The following EPHB1 variants were observed in gnomAD, a reference collection of about 807,000 sequenced individuals.
EPHB1 encodes ephrin type-B receptor 1.
Under a neutral mutation model 94.4 loss-of-function variants are expected in EPHB1, and 30 were observed. The observed-to-expected ratio is 0.32, with a 90% confidence interval of 0.24 to 0.43. The LOEUF (loss-of-function observed/expected upper bound fraction) is 0.43. EPHB1 is among the 20% of genes least tolerant of loss of function. The probability of loss-of-function intolerance (pLI) is 1.00; values close to 1 mark genes in which losing one functional copy is unlikely to be tolerated. For synonymous variants in EPHB1, 522 were observed against 489.1 expected (o/e 1.07, Z -0.89); for missense variants, 1,055 against 1,308.3 (o/e 0.81, Z 2.99).
chr3:134,891,057 G>A (rs1456164253), intron 1 of EPHB1, among the ~76,000 whole-genome samples: 1 of 152,038 alleles, frequency 6.6e-6, no homozygotes, highest in East Asian at 1.9e-4. Flanking sequence ...TTTGCCTACT[G>A]TTCCCACAAC....
At chr3:135,009,857 A>G (rs1935559472) in intron 3 of EPHB1, among the ~76,000 whole-genome samples, 1 of 152,248 alleles carries the variant, frequency 6.6e-6, no homozygotes, top group South Asian at 2.1e-4. Context: ...ATGCTTTTAA[A>G]GAACTTTTTT....
At chr3:135,123,956 A>C (rs1258067075) in intron 4 of EPHB1, among the ~76,000 whole-genome samples, 1 of 151,516 alleles carries the variant, frequency 6.6e-6, no homozygotes, top group African/African-American at 2.4e-5. Flanking sequence ...CATAAGTCTA[A>C]GCATGCCATT....
intron 12 of EPHB1, among the ~76,000 whole-genome samples, chr3:135,223,661 G>A (rs948862478): frequency 1.3e-5 from 2 of 152,092 alleles, no homozygotes; most frequent in Admixed American, 6.5e-5. Context: ...ATGTCTTGGC[G>A]CACTCCTCAT....
intron 3 of EPHB1, among the ~76,000 whole-genome samples, chr3:135,103,363 A>G (rs753948724): frequency 6.6e-6 from 1 of 152,122 alleles, no homozygotes; most frequent in Non-Finnish European, 1.5e-5. Flanking sequence ...ACATTCTTCC[A>G]TTGGGTTCCA....
At chr3:134,888,036 G>T (rs6805387) in intron 1 of EPHB1, among the ~76,000 whole-genome samples, 1 of 152,120 alleles carries the variant, frequency 6.6e-6, no homozygotes, top group Non-Finnish European at 1.5e-5. Context: ...AGGAGCGAGG[G>T]GTCAGTGTGT....
chr3:134,839,168 G>A (rs1237364524), intron 1 of EPHB1, among the ~76,000 whole-genome samples: 11 of 152,168 alleles, frequency 7.2e-5, no homozygotes, highest in Non-Finnish European at 4.4e-5. Context: ...CACATGGTCA[G>A]GATGTGAAAG....
chr3:134,899,428 T>A (rs987001034), intron 1 of EPHB1, among the ~76,000 whole-genome samples: 6 of 152,208 alleles, frequency 3.9e-5, no homozygotes, highest in Admixed American at 3.3e-4. Flanking sequence ...CTTCAGTGCC[T>A]TCGCCCTGCT....
At chr3:134,922,548 T>C (rs1418643308) in intron 1 of EPHB1, among the ~76,000 whole-genome samples, 2 of 152,242 alleles carry the variant, frequency 1.3e-5, no homozygotes, top group Non-Finnish European at 2.9e-5. Context: ...GCTGTATTTA[T>C]GGGGTTAATA....
intron 5 of EPHB1, among the ~76,000 whole-genome samples, chr3:135,135,590 C>A (rs1940592986): frequency 6.6e-6 from 1 of 152,192 alleles, no homozygotes; most frequent in African/African-American, 2.4e-5. Context: ...ACATGTCTAA[C>A]CTTCCCAGAA....
chr3:134,985,757 C>A (rs975986310), intron 3 of EPHB1, among the ~76,000 whole-genome samples: 2 of 152,120 alleles, frequency 1.3e-5, no homozygotes, highest in African/African-American at 4.8e-5. Context: ...CTGTTTTGTT[C>A]TTTTAGTTCA....
intron 1 of EPHB1, among the ~76,000 whole-genome samples, chr3:134,814,671 C>T (rs2036235551): frequency 6.6e-6 from 1 of 152,244 alleles, no homozygotes; most frequent in Non-Finnish European, 1.5e-5. Context: ...TTGTGCCTCT[C>T]TGTCTTGGAC....
chr3:135,180,283 G>A (rs1246414424), intron 10 of EPHB1, among the ~76,000 whole-genome samples: 1 of 152,168 alleles, frequency 6.6e-6, no homozygotes, highest in Non-Finnish European at 1.5e-5. Flanking sequence ...TGCAGATAAG[G>A]TACTTAGTTG....
At chr3:135,192,345 A>G (rs532984576) in intron 10 of EPHB1, among the ~76,000 whole-genome samples, 43 of 1,812 alleles carry the variant, frequency 0.024, no homozygotes, top group African/African-American at 0.094. Context: ...TTAGTTACCC[A>G]AACTATTTCT....
chr3:135,057,309 A>G (rs1228747086), intron 3 of EPHB1, among the ~76,000 whole-genome samples: 1 of 152,188 alleles, frequency 6.6e-6, no homozygotes, highest in Non-Finnish European at 1.5e-5. Context: ...AGGAGACTCC[A>G]TGGGAGGAGA....
chr3:135,031,042 T>C (rs111849945), intron 3 of EPHB1, among the ~76,000 whole-genome samples: 20,242 of 152,216 alleles, frequency 0.13, 1,467 homozygotes, highest in African/African-American at 0.16. Context: ...CCTGACCCCT[T>C]GCGCTTCCCG....
chr3:135,147,153 A>G (rs1941035881), intron 5 of EPHB1, among the ~76,000 whole-genome samples: 1 of 152,240 alleles, frequency 6.6e-6, no homozygotes, highest in African/African-American at 2.4e-5. Context: ...TATTTCTGCT[A>G]ACTCCTGCTG....
intron 3 of EPHB1, among the ~76,000 whole-genome samples, chr3:134,972,170 C>G (rs973045076): frequency 6.6e-6 from 1 of 151,980 alleles, no homozygotes; most frequent in Non-Finnish European, 1.5e-5. Flanking sequence ...CAGGGCTCCT[C>G]TAAGAGAAGA....
At chr3:135,037,370 C>T (rs193301784) in intron 3 of EPHB1, among the ~76,000 whole-genome samples, 11 of 152,292 alleles carry the variant, frequency 7.2e-5, no homozygotes, top group South Asian at 2.1e-4. Flanking sequence ...CTCAGGGAGA[C>T]GTCCCTTGAG....
intron 3 of EPHB1, among the ~76,000 whole-genome samples, chr3:134,956,900 T>C (rs1933300049): frequency 6.6e-6 from 1 of 152,128 alleles, no homozygotes; most frequent in Admixed American, 6.5e-5. Context: ...GTCATCACCT[T>C]CCTGCATCTG....
Sources: allele counts gnomAD v4.1 joint callset (sites outside exome capture counted in the v4.1 genomes callset), GRCh38; gene constraint gnomAD v4.1.1; transcripts MANE v1.5; gene names NCBI Gene and HGNC (gene_info 2026-07-23, HGNC 2026-07-21).